Variants in NT5C2 observed in about 807,000 individuals in gnomAD.
NT5C2 encodes cytosolic purine 5'-nucleotidase.
NT5C2 carries 58 observed loss-of-function variants against 76.1 expected under a neutral mutation model. The ratio of observed to expected loss-of-function variants is 0.76; its 90% CI spans 0.62 to 0.95. The LOEUF (loss-of-function observed/expected upper bound fraction) is 0.95. NT5C2 is among the 40% of genes least tolerant of loss of function. The pLI is 0.00. For synonymous variants in NT5C2, 229 were observed against 237.4 expected (o/e 0.96, Z 0.32); for missense variants, 478 against 690.3 (o/e 0.69, Z 3.45).
intron 3 of NT5C2, among the ~76,000 whole-genome samples, chr10:103,172,191 A>G (rs1285724661): frequency 6.6e-6 from 1 of 152,140 alleles, no homozygotes; most frequent in Non-Finnish European, 1.5e-5. Context: ...AGACAAGAGC[A>G]AAGACTCTGT....
chr10:103,158,329 G>A (rs897844557), intron 3 of NT5C2, among the ~76,000 whole-genome samples: 2 of 151,848 alleles, frequency 1.3e-5, no homozygotes, highest in Admixed American at 6.6e-5. Flanking sequence ...TATAGAAAAA[G>A]AAGAACAAAA....
Position 103,093,529 on chromosome 10 carries a change from A to G in NT5C2, c.989-220T>C, listed in dbSNP as rs568189216. Among the ~76,000 whole-genome samples, 3 of 152,350 alleles carry G rather than the reference A, an allele frequency of 2.0e-5. No individual in the cohort carries two copies. In the East Asian group the frequency reaches 5.8e-4, roughly 29 times the overall value. ...GCTCTTGCTCACCAAATCCAAGAGC[A>G]ACAAAACTACATCCTCAGCTTAGTG... On this transcript the variant is annotated intron_variant, in intron 14 of 18. Coordinates refer to ENST00000404739, the MANE Select transcript of NT5C2 (RefSeq NM_001351169.2).
intron 3 of NT5C2, among the ~76,000 whole-genome samples, chr10:103,160,678 A>G (rs892279487): frequency 1.3e-5 from 2 of 152,200 alleles, no homozygotes; most frequent in Non-Finnish European, 2.9e-5. Flanking sequence ...GCAAGTAAAG[A>G]CCACAATGAG....
intron 4 of NT5C2, among the ~76,000 whole-genome samples, chr10:103,129,639 C>T (rs1290506346): frequency 2.0e-5 from 2 of 101,416 alleles, no homozygotes; most frequent in African/African-American, 7.8e-5. Context: ...GGGTCAGCCC[C>T]CCCGCCCGGC....
chr10:103,095,718 G>C (rs1055191324), intron 12 of NT5C2, among the ~76,000 whole-genome samples: 1 of 152,056 alleles, frequency 6.6e-6, no homozygotes, highest in African/African-American at 2.4e-5. Context: ...TTTTATTTCT[G>C]TCTATTAAGT....
intron 3 of NT5C2, among the ~76,000 whole-genome samples, chr10:103,166,325 A>T (rs1039538541): frequency 7.2e-5 from 11 of 152,184 alleles, no homozygotes; most frequent in African/African-American, 2.7e-4. Context: ...AGCAACCATT[A>T]ATTTATCAAT....
chr10:103,130,367 A>G (rs1172323534), intron 4 of NT5C2, among the ~76,000 whole-genome samples: 2 of 151,654 alleles, frequency 1.3e-5, no homozygotes, highest in Non-Finnish European at 1.5e-5. Context: ...CATGCTCGTT[A>G]AGAGTCATCA....
chr10:103,183,829 T>C (rs1324634203), intron 1 of NT5C2, among the ~76,000 whole-genome samples: 1 of 152,040 alleles, frequency 6.6e-6, no homozygotes, highest in Non-Finnish European at 1.5e-5. Flanking sequence ...AAAAATAAAA[T>C]AGTTTAAGAT....
intron 3 of NT5C2, among the ~76,000 whole-genome samples, chr10:103,144,487 T>C (rs1273196278): frequency 1.3e-5 from 2 of 152,220 alleles, no homozygotes; most frequent in Admixed American, 1.3e-4. Flanking sequence ...CTTTCTTTGT[T>C]AGAAAAGAGA....
chr10:103,136,097 A>C (rs1192018978), intron 4 of NT5C2, among the ~76,000 whole-genome samples: 1 of 151,788 alleles, frequency 6.6e-6, no homozygotes, highest in Non-Finnish European at 1.5e-5. Flanking sequence ...CAAAAAAAAA[A>C]CCCTCTTTCT....
At chr10:103,127,414 A>C (rs1479080438) in intron 4 of NT5C2, among the ~76,000 whole-genome samples, 1 of 152,198 alleles carries the variant, frequency 6.6e-6, no homozygotes, top group East Asian at 1.9e-4. Flanking sequence ...TATGGGGATA[A>C]TTGGTGATAA....
chr10:103,151,097 A>G (rs1055487213), intron 3 of NT5C2, among the ~76,000 whole-genome samples: 16 of 152,168 alleles, frequency 1.1e-4, no homozygotes, highest in African/African-American at 3.9e-4. Context: ...TTTGAGATAA[A>G]GGTCAAGGGT....
At chr10:103,120,833 A>G (rs1188937429) in intron 4 of NT5C2, among the ~76,000 whole-genome samples, 1 of 152,236 alleles carries the variant, frequency 6.6e-6, no homozygotes, top group Non-Finnish European at 1.5e-5. Flanking sequence ...GAACTCAAAC[A>G]GATGCTTAAA....
At chr10:103,170,238 A>T (rs2087553438) in intron 3 of NT5C2, among the ~76,000 whole-genome samples, 1 of 152,176 alleles carries the variant, frequency 6.6e-6, no homozygotes, top group Admixed American at 6.5e-5. Context: ...TAAGCCCAGA[A>T]GTTTGAGGTT....
chr10:103,096,707 G>A (rs925372821), intron 11 of NT5C2, among the ~76,000 whole-genome samples: 12 of 151,746 alleles, frequency 7.9e-5, no homozygotes, highest in South Asian at 4.2e-4. Flanking sequence ...TTAGCCAGGC[G>A]CAGTGGCAGG....
chr10:103,179,016 T>C (rs958459802), intron 2 of NT5C2, among the ~76,000 whole-genome samples: 2 of 148,654 alleles, frequency 1.3e-5, no homozygotes, highest in Non-Finnish European at 3.0e-5. Flanking sequence ...TGATGCGATC[T>C]TGGCTCACTG....
chr10:103,192,445 C>A (rs1251604384), intron 1 of NT5C2, among the ~76,000 whole-genome samples: 2 of 152,202 alleles, frequency 1.3e-5, no homozygotes, highest in East Asian at 3.8e-4. Flanking sequence ...GAGTCAAACC[C>A]CCAAAACGTT....
At chr10:103,094,801 GAACCTAGGAGGGGGAGGTTGCA>G (rs1460549015) in intron 12 of NT5C2, among the ~76,000 whole-genome samples, 1 of 149,958 alleles carries the variant, frequency 6.7e-6, no homozygotes, top group Non-Finnish European at 1.5e-5. Flanking sequence ...AGAATCGCTT[GAACCTAGGAGGGGGAGGTTGCA>G]GTGAGCCGAG....
intron 4 of NT5C2, among the ~76,000 whole-genome samples, chr10:103,108,912 C>T (rs1351300054): frequency 1.3e-5 from 2 of 151,554 alleles, no homozygotes; most frequent in Non-Finnish European, 2.9e-5. Flanking sequence ...GGCTGGAGTG[C>T]AGTGGCCGTG....
Sources: gnomAD v4.1 joint callset for allele counts (sites outside exome capture counted in the v4.1 genomes callset) on GRCh38, gnomAD v4.1.1 for gene constraint, MANE v1.5 for transcripts, NCBI Gene and HGNC (gene_info 2026-07-23, HGNC 2026-07-21) for gene names.